Variants in RSRC1 observed in about 807,000 individuals in gnomAD.
RSRC1 encodes arginine and serine rich coiled-coil 1.
A neutral mutation model predicts 49.1 loss-of-function variants in RSRC1; 39 were observed. The ratio of observed to expected loss-of-function variants is 0.79; its 90% CI spans 0.61 to 1.04. RSRC1 has a LOEUF of 1.04. Among genes scored for constraint, RSRC1 ranks in the 50% least tolerant of loss-of-function variants. The pLI, the probability that RSRC1 is intolerant of heterozygous loss-of-function variation, is 0.00. For missense variants in RSRC1, 388 were observed against 402.4 expected (o/e 0.96, Z 0.31); for synonymous variants, 143 against 130.8 (o/e 1.09, Z -0.63).
At chr3:158,259,874 T>A (rs772670628) in intron 4 of RSRC1, among the ~76,000 whole-genome samples, 1 of 152,008 alleles carries the variant, frequency 6.6e-6, no homozygotes, top group Non-Finnish European at 1.5e-5. Context: ...AGGGCTGTGG[T>A]GAGTATTGCC....
chr3:158,496,421 T>C (rs999741984), intron 7 of RSRC1: 2 of 152,154 alleles, frequency 1.3e-5, no homozygotes, highest in African/African-American at 4.8e-5. Flanking sequence ...GCCGATACAA[T>C]TGGTCTGGAG....
At chr3:158,167,886 G>A (rs1199913296) in intron 3 of RSRC1, among the ~76,000 whole-genome samples, 1 of 152,106 alleles carries the variant, frequency 6.6e-6, no homozygotes, top group Non-Finnish European at 1.5e-5. Flanking sequence ...TGGATCTGTG[G>A]TACAACTACG....
chr3:158,123,922 G>A lies in RSRC1; in HGVS notation c.251G>A (p.Arg84Gln), dbSNP rs775199166. 13 of 1,612,802 alleles carry A rather than the reference G, an allele frequency of 8.1e-6. No homozygotes were observed. The highest frequency in any genetic ancestry group is 1.6e-4 in the Middle Eastern group (1 of 6,076). Residue 84 changes from arginine to glutamine, a missense_variant, in exon 3 of 10, where the codon CGA (arginine) becomes CAA (glutamine). Arg to Gln is a conservative substitution (Grantham distance 43). Coordinates refer to ENST00000611884, the MANE Select transcript of RSRC1 (RefSeq NM_001271838.2). ...TATGGCTCCAGAAGGAAACGAAGTC[G>A]AAGTCGTTCAAGGGGTCGAGGGAAA... ...SSYGSRRKRS[R>Q]SRSRGRGKSY...
At chr3:158,445,398 G>A (rs139515774) in intron 6 of RSRC1, among the ~76,000 whole-genome samples, 10,935 of 151,894 alleles carry the variant, frequency 0.072, 466 homozygotes, top group South Asian at 0.13. Flanking sequence ...GCAAACTATC[G>A]CAAGGACAAA....
In RSRC1 at chr3:158,377,679, A is replaced by T. The variant is rs1435621625; in HGVS notation, c.583+22771A>T. The stretch of plus-strand genomic sequence containing the variant: ...ATTCCTTTTTTTTTTTTTTCTTCTG[A>T]GACAGAGTTTCAGTCAGTCACCCAG... On this transcript the variant is annotated intron_variant, in intron 6 of 9. Transcript: ENST00000611884. Among the ~76,000 whole-genome samples the T allele has an allele frequency of 4.7e-5, 7 of 148,778 alleles. No homozygotes were observed. The South Asian group carries it at 1.3e-3, about 27-fold the overall frequency.
intron 6 of RSRC1, among the ~76,000 whole-genome samples, chr3:158,449,906 C>T (rs1432414056): frequency 2.0e-5 from 3 of 151,974 alleles, no homozygotes; most frequent in African/African-American, 7.2e-5. Flanking sequence ...TTTCCTACTA[C>T]TGCTTATTCT....
chr3:158,537,296 T>C (rs892748885), intron 8 of RSRC1, 98 bp downstream of exon 8: 2 of 666,276 alleles, frequency 3.0e-6, no homozygotes, highest in Non-Finnish European at 4.8e-6. Flanking sequence ...TTCTAATAGA[T>C]GAAGTGAAGC....
At chr3:158,381,201 A>T (rs945784131) in intron 6 of RSRC1, among the ~76,000 whole-genome samples, 1 of 152,238 alleles carries the variant, frequency 6.6e-6, no homozygotes, top group Non-Finnish European at 1.5e-5. Context: ...CCATTTGCAT[A>T]TGAGAGAAAG....
At chr3:158,400,879 A>C (rs4402974) in intron 6 of RSRC1, among the ~76,000 whole-genome samples, 32,987 of 151,922 alleles carry the variant, frequency 0.22, 4,191 homozygotes, top group Non-Finnish European at 0.29. Context: ...TTAACCGCTC[A>C]TTGACTCAAC....
chr3:158,120,259 C>T (rs1715157744), intron 1 of RSRC1, among the ~76,000 whole-genome samples: 1 of 152,044 alleles, frequency 6.6e-6, no homozygotes, highest in African/African-American at 2.4e-5. Context: ...CAAGTCTTCC[C>T]AGTGTTTTGT....
chr3:158,304,395 A>G (rs1208163738), intron 5 of RSRC1, among the ~76,000 whole-genome samples: 5 of 152,152 alleles, frequency 3.3e-5, no homozygotes, highest in South Asian at 2.1e-4. Flanking sequence ...AACACAGTTA[A>G]TGGATCATTA....
chr3:158,281,046 A>G lies in RSRC1; in HGVS notation c.495-16993A>G, dbSNP rs147011859. On this transcript the variant is annotated intron_variant, in intron 4 of 9. Coordinates refer to ENST00000611884, the MANE Select transcript of RSRC1 (RefSeq NM_001271838.2). ...TGGTTAAAATAGCTATGACAGAATT[A>G]AGAAAGACTAGGATGGAGGTCATGG... Among the ~76,000 whole-genome samples, 27 of 152,332 alleles carry G rather than the reference A, an allele frequency of 1.8e-4. 1 individual carries two copies. In the East Asian group the frequency reaches 4.4e-3, roughly 25 times the overall value.
intron 4 of RSRC1, among the ~76,000 whole-genome samples, chr3:158,212,620 AC>A (rs1035335952): frequency 1.3e-5 from 2 of 151,962 alleles, no homozygotes; most frequent in Non-Finnish European, 2.9e-5. Context: ...AGACTACCAG[AC>A]TTAAACACAC....
intron 4 of RSRC1, among the ~76,000 whole-genome samples, chr3:158,210,339 T>C (rs1193646098): frequency 6.6e-6 from 1 of 152,076 alleles, no homozygotes; most frequent in Admixed American, 6.6e-5. Flanking sequence ...ATAACATGTC[T>C]TCATGCAAAA....
At chr3:158,399,833 A>G (rs1209508491) in intron 6 of RSRC1, among the ~76,000 whole-genome samples, 1 of 152,166 alleles carries the variant, frequency 6.6e-6, no homozygotes, top group East Asian at 1.9e-4. Context: ...GTAAAGGTAG[A>G]CACTTTCAGA....
At chr3:158,118,462 T>TGTGTGTGTGCGCGCGCGC (rs1491469875) in intron 1 of RSRC1, among the ~76,000 whole-genome samples, 21 of 124,712 alleles carry the variant, frequency 1.7e-4, no homozygotes, top group African/African-American at 3.3e-4. Context: ...TGTGTGTGTG[T>TGTGTGTGTGCGCGCGCGC]GCGCGTGCGC....
intron 4 of RSRC1, among the ~76,000 whole-genome samples, chr3:158,219,956 A>T (rs1256484855): frequency 6.6e-6 from 1 of 151,636 alleles, no homozygotes; most frequent in African/African-American, 2.4e-5. Context: ...AAGCTAATGG[A>T]GAAATGGGTA....
intron 4 of RSRC1, among the ~76,000 whole-genome samples, chr3:158,215,882 C>A (rs528873937): frequency 2.0e-4 from 30 of 151,732 alleles, no homozygotes; most frequent in African/African-American, 7.2e-4. Context: ...AGATATTTTA[C>A]CATTCTCTTG....
intron 4 of RSRC1, among the ~76,000 whole-genome samples, chr3:158,284,207 A>G (rs1726363692): frequency 6.6e-6 from 1 of 151,734 alleles, no homozygotes; most frequent in Non-Finnish European, 1.5e-5. Context: ...CCATGTCCCT[A>G]CAAAGGACAT....
Sources: allele counts gnomAD v4.1 joint callset (sites outside exome capture counted in the v4.1 genomes callset), GRCh38; gene constraint gnomAD v4.1.1; transcripts MANE v1.5; gene names NCBI Gene and HGNC (gene_info 2026-07-23, HGNC 2026-07-21).